Variants in PIWIL4 observed in about 807,000 individuals in gnomAD.
PIWIL4 encodes the protein piwi like RNA-mediated gene silencing 4.
PIWIL4 carries 50 observed loss-of-function variants against 100.9 expected under a neutral mutation model. The ratio of observed to expected loss-of-function variants is 0.50; its 90% CI spans 0.39 to 0.63. PIWIL4 has a LOEUF of 0.63. Ranked by LOEUF, PIWIL4 falls within the 20% of genes least tolerant of loss-of-function variation. The pLI, the probability that PIWIL4 is intolerant of heterozygous loss-of-function variation, is 0.00. For synonymous variants in PIWIL4, 342 were observed against 367.5 expected (o/e 0.93, Z 0.79); for missense variants, 887 against 1,043.3 (o/e 0.85, Z 2.06).
intron 4 of PIWIL4, among the ~76,000 whole-genome samples, chr11:94,580,832 A>G (rs924048904): frequency 2.8e-5 from 4 of 143,328 alleles, no homozygotes; most frequent in Non-Finnish European, 4.5e-5. Flanking sequence ...TGCTACCACC[A>G]CTGCTACTAC....
In PIWIL4 at chr11:94,567,534, C is replaced by A; in HGVS notation, c.16C>A (p.Arg6=). 1 of 1,600,850 alleles carries A rather than the reference C, an allele frequency of 6.2e-7. No homozygotes were observed. The highest frequency in any genetic ancestry group is 1.7e-4 in the Middle Eastern group (1 of 6,022). Residue 6 remains arginine, a synonymous_variant, in exon 1 of 20, where the codon CGA becomes AGA. Transcript: ENST00000299001. MSGRA[R]VKARGIARSP... ...CACCGGGAACATGAGTGGAAGAGCC[C>A]GAGTGAAGGCCAGAGGCATCGCCCG...
At chr11:94,615,370 T>A (rs1948834201) in intron 15 of PIWIL4, among the ~76,000 whole-genome samples, 1 of 152,180 alleles carries the variant, frequency 6.6e-6, no homozygotes, top group African/African-American at 2.4e-5. Context: ...GGAGGAGCAA[T>A]GCAGGTAAAG....
At chr11:94,603,156 G>A (rs55873762) in intron 12 of PIWIL4, among the ~76,000 whole-genome samples, 28,592 of 152,088 alleles carry the variant, frequency 0.19, 3,161 homozygotes, top group East Asian at 0.27. Context: ...CAGAGTCAGA[G>A]TGCGAGAGTT....
rs756013031 is a variant in PIWIL4 at position 94,607,618 on chromosome 11, G to T, written c.1818G>T (p.Glu606Asp). The T allele has an allele frequency of 9.3e-6, 15 of 1,614,008 alleles. No individual in the cohort carries two copies. Among genetic ancestry groups the T allele is most frequent in the Non-Finnish European group, 1.3e-5 (15 of 1,179,964 alleles). The change falls in exon 14 of 20, where the codon GAG becomes GAT. Residue 606 changes from glutamate to aspartate, a missense_variant. Physicochemically the swap from Glu to Asp is conservative, Grantham distance 45. This residue lies in a region of PIWIL4 where 741 missense variants were observed against 930.0 expected (regional missense o/e 0.80). Transcript: ENST00000299001. ...AGATGACTTGCAAGCTCGGAGGCGA[G>T]CTGTGGGCTGTGGAAATACCTGTAA... ...AMQMTCKLGG[E>D]LWAVEIPLKS...
chr11:94,612,407 A>G (rs573832245), intron 15 of PIWIL4, among the ~76,000 whole-genome samples: 2 of 146,076 alleles, frequency 1.4e-5, no homozygotes, highest in East Asian at 2.0e-4. Flanking sequence ...TATTTTTTCT[A>G]TCCTTTTACT....
chr11:94,577,386 C>T lies in PIWIL4; in HGVS notation c.407C>T (p.Ser136Phe), dbSNP rs2135243520. 6.2e-7 allele frequency: 1 copy of T among 1,614,042 alleles called. No individual in the cohort carries two copies. The highest frequency in any genetic ancestry group is 2.2e-5 in the East Asian group (1 of 44,868). ...GTGACATATATTCCAGATTTAGCAT[C>T]TAGAAGGCTGAGAATTGCTTTACTT... ...YHVTYIPDLA[S>F]RRLRIALLYS... The change falls in exon 4 of 20, where the codon TCT becomes TTT. Residue 136 changes from serine to phenylalanine, a missense_variant. Ser to Phe is a radical substitution (Grantham distance 155). Transcript: ENST00000299001.
At chr11:94,573,241 C>A (rs1948184796) in intron 2 of PIWIL4, among the ~76,000 whole-genome samples, 1 of 152,180 alleles carries the variant, frequency 6.6e-6, no homozygotes, top group South Asian at 2.1e-4. Flanking sequence ...CAAACGGAGA[C>A]AATTTGACTT....
intron 7 of PIWIL4, among the ~76,000 whole-genome samples, chr11:94,587,872 G>T (rs1323320876): frequency 6.6e-6 from 1 of 152,156 alleles, no homozygotes; most frequent in Non-Finnish European, 1.5e-5. Flanking sequence ...ACATTGAGCT[G>T]AGTTAAACAC....
chr11:94,581,243 C>A (rs967540497), intron 4 of PIWIL4, among the ~76,000 whole-genome samples: 3 of 152,128 alleles, frequency 2.0e-5, no homozygotes, highest in African/African-American at 7.2e-5. Context: ...CCTGTCATCA[C>A]CCTTGGGGCC....
At position 94,585,319 on chromosome 11, in the gene PIWIL4, T is replaced by A. The variant is rs71473204; in HGVS notation, c.636-126T>A. On this transcript the variant is annotated intron_variant, in intron 5 of 19. Coordinates refer to ENST00000299001, the MANE Select transcript of PIWIL4 (RefSeq NM_152431.3). ...TATATTTAGTATCTAAACCTTGCAG[T>A]CCTGTGAGAATGAGAGGTCTGTATT... 2,827 of 613,492 alleles carry A rather than the reference T, an allele frequency of 4.6e-3. 25 individuals are homozygous for A. The highest frequency in any genetic ancestry group is 0.019 in the Middle Eastern group (52 of 2,806). The allele number at this position is 613,492 out of a possible 1,614,324, so 38.0% of individuals were successfully genotyped here. A position where few individuals can be genotyped will look rare whatever the true frequency, so the allele number is the denominator to read the frequency against.
intron 5 of PIWIL4, among the ~76,000 whole-genome samples, chr11:94,584,289 T>C (rs12286589): frequency 0.014 from 2,176 of 152,294 alleles, 41 homozygotes; most frequent in African/African-American, 0.041. Context: ...ACAGGCAAGT[T>C]CTTTGTTCAA....
intron 4 of PIWIL4, among the ~76,000 whole-genome samples, chr11:94,579,639 C>T (rs1457227598): frequency 1.3e-5 from 2 of 152,088 alleles, no homozygotes; most frequent in African/African-American, 4.8e-5. Flanking sequence ...TTTTATGAGA[C>T]CCTGGGATCT....
intron 13 of PIWIL4, 81 bp downstream of exon 13, chr11:94,604,137 C>CA: frequency 3.7e-6 from 3 of 803,478 alleles, no homozygotes; most frequent in Non-Finnish European, 5.6e-6. Flanking sequence ...CATACCCTCC[C>CA]ATGATATATT....
chr11:94,621,153 A>T lies in PIWIL4; in HGVS notation c.*161A>T, dbSNP rs139257722. On this transcript the variant is annotated 3_prime_UTR_variant, in exon 20 of 20. Transcript: ENST00000299001. ...AAACAACTTAATCTGAAACAGTTTTAAAAAATGTGTGTTATTTTGTTTTAA... is the reference window on the plus strand; with the variant it reads ...AAACAACTTAATCTGAAACAGTTTTTAAAAATGTGTGTTATTTTGTTTTAA... The T allele has an allele frequency of 8.6e-4, 483 of 561,064 alleles. 2 individuals carry two copies. The highest frequency in any genetic ancestry group is 7.3e-3 in the African/African-American group (386 of 53,144). 34.8% of individuals were successfully genotyped at this position (561,064 alleles called of 1,614,324 possible). A position where few individuals can be genotyped will look rare whatever the true frequency, so the allele number is the denominator to read the frequency against.
chr11:94,574,447 T>C (rs1274155036), intron 2 of PIWIL4, among the ~76,000 whole-genome samples: 1 of 152,216 alleles, frequency 6.6e-6, no homozygotes, highest in African/African-American at 2.4e-5. Flanking sequence ...GAGGGCTTTC[T>C]CCTTAGCCAA....
Position 94,607,656 on chromosome 11 carries a change from AT to A in PIWIL4, c.1839+23del. ...GAAATACCTGTAAGGACCCTGTCAC[AT>A]TTTTTCTATTAGTAATTAATAAATT... On this transcript the variant is annotated intron_variant, in intron 14 of 19. Coordinates refer to ENST00000299001, the MANE Select transcript of PIWIL4 (RefSeq NM_152431.3). 6.3e-7 allele frequency: 1 copy of A among 1,598,680 alleles called. No homozygotes were observed. Among genetic ancestry groups the A allele is most frequent in the Non-Finnish European group, 8.5e-7 (1 of 1,170,882 alleles).
chr11:94,597,057 T>C (rs947216998), intron 10 of PIWIL4, among the ~76,000 whole-genome samples: 1 of 152,198 alleles, frequency 6.6e-6, no homozygotes, highest in Non-Finnish European at 1.5e-5. Flanking sequence ...TCAGTGGAAG[T>C]TATCATATAC....
In PIWIL4 at chr11:94,576,074, G is replaced by A. The variant is rs577183934; in HGVS notation, c.298+944G>A. On this transcript the variant is annotated intron_variant, in intron 3 of 19. Coordinates refer to ENST00000299001, the MANE Select transcript of PIWIL4 (RefSeq NM_152431.3). ...GATACCTTGTATTCCTCACCACCTT[G>A]GAGTCTCTGGGTTGCTTTCCTCCAT... is the stretch of plus-strand genomic sequence containing the variant. 5.3e-5 allele frequency among the ~76,000 whole-genome samples: 8 copies of A among 152,280 alleles called. No homozygotes were observed. The South Asian group carries it at 1.7e-3, about 32-fold the overall frequency.
In PIWIL4 at chr11:94,584,802, C is replaced by T. The variant is rs562174309; in HGVS notation, c.636-643C>T. Among the ~76,000 whole-genome samples, 5 of 152,286 alleles carry T rather than the reference C, an allele frequency of 3.3e-5. No homozygotes were observed. The South Asian group carries it at 1.0e-3, about 32-fold the overall frequency. ...GATCCTCGGCTGGGCCGGTGGCTCA[C>T]ACCTGTAATCCCAGCACTTTGGGAG... On this transcript the variant is annotated intron_variant, in intron 5 of 19. Coordinates refer to ENST00000299001, the MANE Select transcript of PIWIL4 (RefSeq NM_152431.3).
Sources: allele counts gnomAD v4.1 joint callset (sites outside exome capture counted in the v4.1 genomes callset), GRCh38; gene constraint gnomAD v4.1.1; regional missense constraint gnomAD v4.1.1; transcripts MANE v1.5; gene names NCBI Gene and HGNC (gene_info 2026-07-23, HGNC 2026-07-21).